ARHGEF12: variants seen among roughly 807,000 people sequenced by gnomAD.
The protein encoded by ARHGEF12 is KMT2A/ARHGEF12 fusion protein.
ARHGEF12 carries 66 observed loss-of-function variants against 211.2 expected under a neutral mutation model. The ratio of observed to expected loss-of-function variants is 0.31; its 90% CI spans 0.26 to 0.38. The LOEUF (loss-of-function observed/expected upper bound fraction) is 0.38, where lower values mean the gene tolerates loss of function less well. ARHGEF12 is among the 10% of genes least tolerant of loss of function. ARHGEF12 has a pLI of 1.00. For synonymous variants in ARHGEF12, 592 were observed against 638.4 expected (o/e 0.93, Z 1.09); for missense variants, 1,429 against 1,869.5 (o/e 0.76, Z 4.34).
chr11:120,477,769 G>A, intron 36 of ARHGEF12: 1 of 403,434 alleles, frequency 2.5e-6, no homozygotes, highest in Non-Finnish European at 4.3e-6. Flanking sequence ...GGGAGGCTGA[G>A]GCAGGGAGAA....
At chr11:120,345,701 C>CAAAAAAA (rs34619240) in intron 1 of ARHGEF12, among the ~76,000 whole-genome samples, 4 of 78,346 alleles carry the variant, frequency 5.1e-5, no homozygotes, top group Admixed American at 3.4e-4. Context: ...GACTCCGTCT[C>CAAAAAAA]AAAAAAAAAA....
At chr11:120,442,516 G>A (rs1420239669) in intron 15 of ARHGEF12, among the ~76,000 whole-genome samples, 2 of 151,430 alleles carry the variant, frequency 1.3e-5, no homozygotes, top group African/African-American at 4.9e-5. Flanking sequence ...TAATTAGAGT[G>A]AGGAAATGAA....
At chr11:120,467,433 CTTT>C (rs370225155) in intron 29 of ARHGEF12, 125 bp downstream of exon 29, 1,336 of 300,532 alleles carry the variant, frequency 4.4e-3, no homozygotes, top group East Asian at 6.9e-3. Context: ...ACAAGATTTT[CTTT>C]TTTTTTTTTT....
intron 33 of ARHGEF12, among the ~76,000 whole-genome samples, chr11:120,475,778 A>G (rs761226261): frequency 3.3e-5 from 5 of 152,346 alleles, no homozygotes; most frequent in East Asian, 1.9e-4. Context: ...ATAGATCCCA[A>G]TGAAAAGCCT....
intron 1 of ARHGEF12, among the ~76,000 whole-genome samples, chr11:120,363,159 G>C (rs1943325639): frequency 1.3e-5 from 2 of 152,182 alleles, no homozygotes; most frequent in African/African-American, 4.8e-5. Context: ...ATTGGCAAAT[G>C]AATGTACATT....
intron 1 of ARHGEF12, among the ~76,000 whole-genome samples, chr11:120,392,571 C>T (rs916905228): frequency 5.3e-5 from 8 of 152,122 alleles, no homozygotes; most frequent in African/African-American, 1.4e-4. Context: ...TAAGCAGTAA[C>T]GCATTTACTG....
intron 1 of ARHGEF12, among the ~76,000 whole-genome samples, chr11:120,355,841 A>G (rs1943116696): frequency 6.6e-6 from 1 of 152,250 alleles, no homozygotes; most frequent in East Asian, 1.9e-4. Context: ...TTTAAGATAA[A>G]TTACAGGAGT....
chr11:120,485,095 G>T lies in ARHGEF12; in HGVS notation c.*18G>T. 1 of 1,613,456 alleles carries T rather than the reference G, an allele frequency of 6.2e-7. No homozygotes were observed. The highest frequency in any genetic ancestry group is 8.5e-7 in the Non-Finnish European group (1 of 1,179,750). On this transcript the variant is annotated 3_prime_UTR_variant, in exon 41 of 41. Coordinates refer to ENST00000397843, the MANE Select transcript of ARHGEF12 (RefSeq NM_015313.3). The stretch of plus-strand genomic sequence containing the variant: ...AAAGTTAGAGCCGCATGTCCTGGAG[G>T]TGACTGCAGGTTGTTGGATTTGGAG...
intron 1 of ARHGEF12, among the ~76,000 whole-genome samples, chr11:120,359,077 C>T (rs1278880040): frequency 6.6e-6 from 1 of 152,030 alleles, no homozygotes; most frequent in Non-Finnish European, 1.5e-5. Flanking sequence ...TGATTTTAGC[C>T]AGAGAGGGAG....
chr11:120,431,817 C>G lies in ARHGEF12; in HGVS notation c.830C>G (p.Thr277Arg). 1 of 1,613,980 alleles carries G rather than the reference C, an allele frequency of 6.2e-7. No homozygotes were observed. The stretch of plus-strand genomic sequence containing the variant: ...TCCAGACCTTTAGGGGACACCCTAA[C>G]AGTCAGTGAGGCAGAAACAGATCCT... ...TPSRPLGDTL[T>R]VSEAETDPGD... Residue 277 changes from threonine (T) to arginine (R), a missense_variant, in exon 11 of 41, where the codon ACA (threonine) becomes AGA (arginine). Around this residue, in one of 7 missense-constraint regions of ARHGEF12, gnomAD observed 254 missense variants for 286.4 expected, o/e 0.89. Coordinates refer to ENST00000397843, the MANE Select transcript of ARHGEF12 (RefSeq NM_015313.3).
intron 1 of ARHGEF12, among the ~76,000 whole-genome samples, chr11:120,393,567 A>G (rs181565789): frequency 6.6e-6 from 1 of 152,364 alleles, no homozygotes; most frequent in East Asian, 1.9e-4. Context: ...TAGAATATCA[A>G]CAGGGATAAA....
Position 120,336,791 on chromosome 11 carries a change from C to T in ARHGEF12, c.-453C>T, listed in dbSNP as rs1426102393. The T allele has an allele frequency of 1.4e-5, 4 of 295,924 alleles. No individual in the cohort carries two copies. The highest frequency in any genetic ancestry group is 8.5e-5 in the African/African-American group (4 of 46,970). 18.3% of individuals were successfully genotyped at this position (295,924 alleles called of 1,614,324 possible). On this transcript the variant is annotated 5_prime_UTR_variant, in exon 1 of 41. Coordinates refer to ENST00000397843, the MANE Select transcript of ARHGEF12 (RefSeq NM_015313.3). ...TGCGGCCACGAGCAGCCGGCAGCCC[C>T]AGATAGAGAGCCGGGAGGGAGGGCC...
At chr11:120,400,458 C>A (rs1484507114) in intron 1 of ARHGEF12, among the ~76,000 whole-genome samples, 4 of 152,080 alleles carry the variant, frequency 2.6e-5, no homozygotes, top group Non-Finnish European at 5.9e-5. Flanking sequence ...TTTTGAGGAT[C>A]TCATACTTTC....
intron 27 of ARHGEF12, chr11:120,465,028 A>C (rs1653783968): frequency 1.7e-6 from 1 of 576,318 alleles, no homozygotes; most frequent in Non-Finnish European, 2.9e-6. Flanking sequence ...AAAAAGAAGA[A>C]GAAAACATTG....
intron 12 of ARHGEF12, chr11:120,438,980 G>A (rs955287091): frequency 6.6e-6 from 1 of 152,158 alleles, no homozygotes; most frequent in African/African-American, 2.4e-5. Context: ...GGCCTCCCAA[G>A]TAGCTAAGAC....
chr11:120,360,662 G>A (rs1262677495), intron 1 of ARHGEF12, among the ~76,000 whole-genome samples: 1 of 152,156 alleles, frequency 6.6e-6, no homozygotes, highest in African/African-American at 2.4e-5. Flanking sequence ...CAAAGTGCTG[G>A]GAATTCAGGC....
Position 120,489,039 on chromosome 11 carries a change from G to T in ARHGEF12, c.*3962G>T, listed in dbSNP as rs908335939. On this transcript the variant is annotated 3_prime_UTR_variant, in exon 41 of 41. Transcript: ENST00000397843. ...AAATAAGCTTAAAGGAACCAAGCAT[G>T]TGACTTTTTATTTGTATTCTGGTTG... 4.5e-6 allele frequency: 1 copy of T among 221,206 alleles called. No homozygotes were observed. Among genetic ancestry groups the T allele is most frequent in the African/African-American group, 2.2e-5 (1 of 44,684 alleles). 13.7% of individuals were successfully genotyped at this position (221,206 alleles called of 1,614,324 possible).
chr11:120,418,414 A>G (rs1945091312), intron 4 of ARHGEF12, among the ~76,000 whole-genome samples: 1 of 152,188 alleles, frequency 6.6e-6, no homozygotes, highest in Non-Finnish European at 1.5e-5. Context: ...CCTTCCTAAT[A>G]CATTGTATGG....
chr11:120,345,204 G>A (rs1461426474), intron 1 of ARHGEF12, among the ~76,000 whole-genome samples: 1 of 152,074 alleles, frequency 6.6e-6, no homozygotes, highest in East Asian at 1.9e-4. Flanking sequence ...GGGCTTTACT[G>A]GCCCATCCAG....
Sources: gnomAD v4.1 joint callset for allele counts (sites outside exome capture counted in the v4.1 genomes callset) on GRCh38, gnomAD v4.1.1 for gene constraint, gnomAD v4.1.1 regional missense constraint, MANE v1.5 for transcripts, NCBI Gene and HGNC (gene_info 2026-07-23, HGNC 2026-07-21) for gene names.